TOM1: variants seen among roughly 807,000 people sequenced by gnomAD.
The protein encoded by TOM1 is target of Myb protein 1.
Under a neutral mutation model 61.3 loss-of-function variants are expected in TOM1, and 38 were observed. The ratio of observed to expected loss-of-function variants is 0.62; its 90% CI spans 0.48 to 0.81. The LOEUF is 0.81. Ranked by LOEUF, TOM1 falls within the 40% of genes least tolerant of loss-of-function variation. TOM1 has a pLI of 0.00. For missense variants in TOM1, 591 were observed against 659.6 expected, an observed-to-expected ratio of 0.90 and a Z score of 1.14; for synonymous variants, 270 against 268.8, an observed-to-expected ratio of 1.00 and a Z score of -0.04.
intron 1 of TOM1, 105 bp downstream of exon 1, chr22:35,300,085 G>A: frequency 7.9e-7 from 1 of 1,265,776 alleles, no homozygotes; most frequent in Non-Finnish European, 1.1e-6. Flanking sequence ...GGAGGGCAAG[G>A]AGGCTGGCGT....
upstream of TOM1, chr22:35,299,310 C>T (rs1925504221): frequency 6.6e-6 from 1 of 152,340 alleles, no homozygotes; most frequent in Non-Finnish European, 1.5e-5. Context: ...GGGAATTGCG[C>T]TGCAATTCAT....
At chr22:35,330,304 C>G (rs780055027) in intron 7 of TOM1, 43 bp from the exon 8 acceptor site, 3 of 1,572,822 alleles carry the variant, frequency 1.9e-6, no homozygotes, top group Non-Finnish European at 1.7e-6. Context: ...CGGCCTCACT[C>G]TGAGTCATGT....
intron 3 of TOM1, chr22:35,322,345 G>A (rs1470527961): frequency 1.4e-5 from 5 of 346,532 alleles, no homozygotes; most frequent in Non-Finnish European, 2.7e-5. Context: ...AGGCCTCCGC[G>A]GGGGCAGGGA....
chr22:35,323,853 C>T lies in TOM1; in HGVS notation c.587C>T (p.Ala196Val). The T allele has an allele frequency of 1.9e-6, 3 of 1,611,824 alleles. No individual in the cohort carries two copies. Among genetic ancestry groups the T allele is most frequent in the Admixed American group, 1.7e-5 (1 of 59,736 alleles). Residue 196 changes from alanine (A) to valine (V), a missense_variant, in exon 6 of 15, where the codon GCC becomes GTC. Coordinates refer to ENST00000449058, the MANE Select transcript of TOM1 (RefSeq NM_005488.3). This position sits in a 1 kb window ranked among gnomAD's most constrained non-coding sequence, Gnocchi z 4.2. ...CAAGAGGACTCTGGCCAGCATGCTG[C>T]CCCTCTGCCCGCCCCGCCCATACTC... ...SQQEDSGQHA[A>V]PLPAPPILSG...
chr22:35,324,064 G>A (rs759116251), intron 6 of TOM1, 150 bp downstream of exon 6: 30 of 1,004,086 alleles, frequency 3.0e-5, no homozygotes, highest in African/African-American at 3.3e-5. Flanking sequence ...CTGTTTGAGC[G>A]ATGAGACTCA....
chr22:35,338,849 A>G (rs1929622387), intron 12 of TOM1, 61 bp downstream of exon 12: 13 of 1,457,852 alleles, frequency 8.9e-6, no homozygotes, highest in Non-Finnish European at 1.2e-5. Context: ...GGGAATGCTC[A>G]CCCACTGGGT....
At chr22:35,317,216 T>C (rs1046735382) in intron 1 of TOM1, among the ~76,000 whole-genome samples, 26 of 152,338 alleles carry the variant, frequency 1.7e-4, no homozygotes, top group African/African-American at 6.3e-4. Flanking sequence ...GTTTTGGAGA[T>C]GGAGTTTCGC....
chr22:35,309,944 A>G (rs952681963), intron 1 of TOM1, among the ~76,000 whole-genome samples: 6 of 152,162 alleles, frequency 3.9e-5, no homozygotes, highest in African/African-American at 1.2e-4. Flanking sequence ...TCTGGCTGCA[A>G]GGGGGTCTAG....
intron 12 of TOM1, chr22:35,345,343 T>G (rs1197278885): frequency 1.1e-5 from 3 of 269,088 alleles, no homozygotes; most frequent in Non-Finnish European, 2.2e-5. Context: ...ACCCTGGGCT[T>G]GGCGTGTCTT....
chr22:35,321,863 G>A (rs891451288), intron 2 of TOM1, 96 bp from the exon 3 acceptor site: 2 of 1,020,296 alleles, frequency 2.0e-6, no homozygotes, highest in Non-Finnish European at 3.1e-6. Context: ...GCACAGGGAG[G>A]ATGGGCCAAT....
At position 35,323,374 on chromosome 22, in the gene TOM1, G is replaced by T; in HGVS notation, c.367-122G>T. 1 of 1,404,864 alleles carries T rather than the reference G, an allele frequency of 7.1e-7. No homozygotes were observed. Among genetic ancestry groups the T allele is most frequent in the Non-Finnish European group, 9.7e-7 (1 of 1,032,866 alleles). The allele number at this position is 1,404,864 out of a possible 1,614,324, so 87.0% of individuals were successfully genotyped here. ...CGTGCTTTGCTGTGGAGTGGGCAGG[G>T]CAGATGTAGTTAAAAAAAAAAAAAA... On this transcript the variant is annotated intron_variant, in intron 4 of 14. Coordinates refer to ENST00000449058, the MANE Select transcript of TOM1 (RefSeq NM_005488.3). The surrounding 1 kb of genome is among the most constrained non-coding windows in gnomAD (Gnocchi z 4.2).
At chr22:35,333,627 C>A (rs1316578253) in intron 10 of TOM1, 130 bp downstream of exon 10, 9 of 827,534 alleles carry the variant, frequency 1.1e-5, no homozygotes, top group Non-Finnish European at 1.7e-5. Flanking sequence ...TGCTGGGGTC[C>A]CAGGCTGAAT....
Position 35,338,780 on chromosome 22 carries a change from A to G in TOM1, c.1216A>G (p.Thr406Ala). ...AGALDARQQSTGAIPVTQACL... is the reference protein window; with the variant it reads ...AGALDARQQSAGAIPVTQACL... ...AGCCCTGGACGCCCGGCAGCAGAGC[A>G]CTGGCGCGGTAAGCAGAGGGGCCAT... The change falls in exon 12 of 15, where the codon ACT becomes GCT. Residue 406 changes from threonine (T) to alanine (A), a missense_variant. Thr to Ala is a moderately conservative substitution (Grantham distance 58, BLOSUM62 0). Coordinates refer to ENST00000449058, the MANE Select transcript of TOM1 (RefSeq NM_005488.3). 6.3e-7 allele frequency: 1 copy of G among 1,595,066 alleles called. No homozygotes were observed. Among genetic ancestry groups the G allele is most frequent in the Non-Finnish European group, 8.5e-7 (1 of 1,172,454 alleles).
At chr22:35,346,730 A>G (rs1238326955) in intron 13 of TOM1, among the ~76,000 whole-genome samples, 200 bp from the exon 14 acceptor site, 1 of 152,052 alleles carries the variant, frequency 6.6e-6, no homozygotes, top group Non-Finnish European at 1.5e-5. Flanking sequence ...TCAGGAAGTC[A>G]GGTGCCACCC....
intron 12 of TOM1, among the ~76,000 whole-genome samples, chr22:35,342,154 C>A (rs746563663): frequency 1.4e-4 from 22 of 152,244 alleles, no homozygotes; most frequent in Admixed American, 1.3e-4. Context: ...AAAAAAGAAA[C>A]AGAATCAAGT....
intron 12 of TOM1, among the ~76,000 whole-genome samples, chr22:35,339,701 G>A (rs1385265249): frequency 4.0e-5 from 6 of 151,894 alleles, no homozygotes; most frequent in Admixed American, 6.6e-5. Context: ...TCAGGAGATC[G>A]AGACCATCCC....
Position 35,314,773 on chromosome 22 carries a change from G to A in TOM1, c.53-3104G>A, listed in dbSNP as rs553141995. Among the ~76,000 whole-genome samples the A allele has an allele frequency of 3.9e-5, 6 of 152,278 alleles. No individual in the cohort carries two copies. In the East Asian group the frequency reaches 1.2e-3, roughly 29 times the overall value. On this transcript the variant is annotated intron_variant, in intron 1 of 14. Coordinates refer to ENST00000449058, the MANE Select transcript of TOM1 (RefSeq NM_005488.3). ...GTTCCCCGCCCCTGCTGAGAGATGC[G>A]GATGGCACAGAAGCCTCAGGCACCT...
At chr22:35,343,244 AC>A (rs1930086082) in intron 12 of TOM1, among the ~76,000 whole-genome samples, 1 of 120,978 alleles carries the variant, frequency 8.3e-6, no homozygotes. Flanking sequence ...ATCTACACCC[AC>A]CACACACACC....
chr22:35,317,762 C>T (rs951646118), intron 1 of TOM1, 115 bp from the exon 2 acceptor site: 2 of 742,716 alleles, frequency 2.7e-6, no homozygotes, highest in African/African-American at 3.4e-5. Context: ...AAGTGTCTGT[C>T]ATCTTCCTCC....
Sources: allele counts gnomAD v4.1 joint callset (sites outside exome capture counted in the v4.1 genomes callset), GRCh38; gene constraint gnomAD v4.1.1; non-coding constraint Gnocchi (gnomAD v3.1); transcripts MANE v1.5; gene names NCBI Gene and HGNC (gene_info 2026-07-23, HGNC 2026-07-21).